The following KPNA3 variants were observed in gnomAD, a reference collection of about 807,000 sequenced individuals.
KPNA3 encodes the protein karyopherin subunit alpha 3, also known as importin subunit alpha-4.
Under a neutral mutation model 73.8 loss-of-function variants are expected in KPNA3, and 13 were observed. The ratio of observed to expected loss-of-function variants is 0.18; its 90% CI spans 0.11 to 0.28. The LOEUF is 0.28. KPNA3 is among the 10% of genes least tolerant of loss of function. The probability of loss-of-function intolerance (pLI) is 1.00; values close to 1 mark genes in which losing one functional copy is unlikely to be tolerated. For synonymous variants in KPNA3, 186 were observed against 206.9 expected (o/e 0.90, Z 0.87); for missense variants, 360 against 618.1 (o/e 0.58, Z 4.43).
At chr13:49,757,552 G>C (rs1371611145) in intron 1 of KPNA3, among the ~76,000 whole-genome samples, 1 of 152,166 alleles carries the variant, frequency 6.6e-6, no homozygotes, top group Admixed American at 6.5e-5. Flanking sequence ...ATGCTGGTGA[G>C]TATGGAGAGT....
At chr13:49,741,523 G>A (rs1207134757) in intron 2 of KPNA3, among the ~76,000 whole-genome samples, 2 of 149,656 alleles carry the variant, frequency 1.3e-5, no homozygotes, top group Non-Finnish European at 3.0e-5. Flanking sequence ...GCGTGATCTC[G>A]GCTCACTGCA....
rs55725741 is a variant in KPNA3 at position 49,730,519 on chromosome 13, CAAAAAAAAAAAAAAAAAAAAAA to C, written c.383+1830_383+1851del. Reference sequence around the variant, plus strand: ...TGGGCAACAGAGCGAGACTCTGTCTCAAAAAAAAAAAAAAAAAAAAAAAAAAAAAAAAAAAAGAACAACTGGA... The same window carrying C: ...TGGGCAACAGAGCGAGACTCTGTCTCAAAAAAAAAAAAAAGAACAACTGGA... On this transcript the variant is annotated intron_variant, in intron 6 of 16. Transcript: ENST00000261667. 4.0e-4 allele frequency among the ~76,000 whole-genome samples: 11 copies of C among 27,294 alleles called. No homozygotes were observed. In the East Asian group the frequency reaches 0.01, roughly 25 times the overall value. The allele number at this position is 27,294 out of a possible 152,430, so 17.9% of individuals were successfully genotyped here. A position where few individuals can be genotyped will look rare whatever the true frequency, so the allele number is the denominator to read the frequency against.
intron 1 of KPNA3, among the ~76,000 whole-genome samples, chr13:49,786,622 T>C (rs748100337): frequency 6.6e-6 from 1 of 152,104 alleles, no homozygotes; most frequent in Admixed American, 6.6e-5. Flanking sequence ...ACTCAACAGA[T>C]AGTCAAAAGA....
At chr13:49,734,950 T>C (rs905554484) in intron 2 of KPNA3, among the ~76,000 whole-genome samples, 30 of 76,174 alleles carry the variant, frequency 3.9e-4, no homozygotes, top group African/African-American at 9.7e-4. Flanking sequence ...GAGAGAGAGA[T>C]AGATAGAGAG....
At chr13:49,754,746 A>C (rs1954696232) in intron 1 of KPNA3, among the ~76,000 whole-genome samples, 3 of 152,154 alleles carry the variant, frequency 2.0e-5, no homozygotes, top group Admixed American at 6.5e-5. Flanking sequence ...GGAAAACTAC[A>C]AACAACTCTA....
At chr13:49,705,876 T>C in intron 14 of KPNA3, 93 bp from the exon 15 acceptor site, 1 of 1,197,420 alleles carries the variant, frequency 8.4e-7, no homozygotes, top group East Asian at 2.6e-5. Context: ...GGCAGGAGGC[T>C]ATCTTGAGCC....
At position 49,788,787 on chromosome 13, in the gene KPNA3, T is replaced by C. The variant is rs1955007301; in HGVS notation, c.69+3651A>G. On this transcript the variant is annotated intron_variant, in intron 1 of 16. Coordinates refer to ENST00000261667, the MANE Select transcript of KPNA3 (RefSeq NM_002267.4). ...ACAAATAAAAGGAAATGTTTCCCTT[T>C]CAATATGTACTTCCTAGTTTTTGCT... 2.0e-5 allele frequency among the ~76,000 whole-genome samples: 3 copies of C among 150,450 alleles called. No homozygotes were observed. In the South Asian group the frequency reaches 6.3e-4, roughly 32 times the overall value.
intron 15 of KPNA3, among the ~76,000 whole-genome samples, chr13:49,704,232 A>G (rs1436665245): frequency 1.3e-5 from 2 of 151,836 alleles, no homozygotes; most frequent in Non-Finnish European, 2.9e-5. Context: ...GACCAGCCTG[A>G]CCAACACGGA....
At chr13:49,752,371 A>T (rs1954670165) in intron 1 of KPNA3, among the ~76,000 whole-genome samples, 1 of 152,202 alleles carries the variant, frequency 6.6e-6, no homozygotes. Context: ...TCTTGCTCTT[A>T]AAAGTTCAGG....
chr13:49,762,941 G>T (rs1594455562), intron 1 of KPNA3, among the ~76,000 whole-genome samples: 1 of 111,292 alleles, frequency 9.0e-6, no homozygotes, highest in Non-Finnish European at 1.9e-5. Flanking sequence ...AAAAGAAGAG[G>T]AGAGGTCGGT....
intron 1 of KPNA3, among the ~76,000 whole-genome samples, chr13:49,781,565 T>C (rs1000158136): frequency 6.6e-6 from 1 of 152,226 alleles, no homozygotes; most frequent in East Asian, 1.9e-4. Flanking sequence ...TCACACTCAG[T>C]AAAGAATTCG....
intron 1 of KPNA3, among the ~76,000 whole-genome samples, chr13:49,776,544 T>C (rs903364191): frequency 1.3e-5 from 2 of 152,210 alleles, no homozygotes; most frequent in African/African-American, 2.4e-5. Context: ...TAAGATTTTA[T>C]TTAGAATCAC....
chr13:49,769,539 T>C (rs754001566), intron 1 of KPNA3, among the ~76,000 whole-genome samples: 6 of 152,246 alleles, frequency 3.9e-5, no homozygotes, highest in Non-Finnish European at 8.8e-5. Flanking sequence ...ATATAATATG[T>C]GGACTTTCAT....
chr13:49,761,396 G>A (rs1954758980), intron 1 of KPNA3, among the ~76,000 whole-genome samples: 1 of 150,194 alleles, frequency 6.7e-6, no homozygotes, highest in East Asian at 1.9e-4. Flanking sequence ...ACACCGCCAC[G>A]CCTGACTGGT....
intron 6 of KPNA3, among the ~76,000 whole-genome samples, chr13:49,731,999 T>C (rs1594440881): frequency 6.6e-6 from 1 of 152,340 alleles, no homozygotes; most frequent in East Asian, 1.9e-4. Flanking sequence ...AAACCATCCA[T>C]GTTGACTTAG....
chr13:49,766,127 A>G (rs1402313016), intron 1 of KPNA3, among the ~76,000 whole-genome samples: 1 of 152,224 alleles, frequency 6.6e-6, no homozygotes, highest in Non-Finnish European at 1.5e-5. Flanking sequence ...ATTAAATAAA[A>G]TAAACATTAA....
At chr13:49,746,843 T>C in intron 2 of KPNA3, 106 bp downstream of exon 2, 2 of 762,624 alleles carry the variant, frequency 2.6e-6, no homozygotes, top group Non-Finnish European at 4.5e-6. Flanking sequence ...TGTGTGGTTT[T>C]AGGGATGACC....
At chr13:49,783,093 C>T (rs957614037) in intron 1 of KPNA3, among the ~76,000 whole-genome samples, 2 of 151,986 alleles carry the variant, frequency 1.3e-5, no homozygotes, top group Non-Finnish European at 2.9e-5. Flanking sequence ...AATTTAACAA[C>T]CTGAAGGCAT....
chr13:49,769,957 C>T (rs2137592483), intron 1 of KPNA3, among the ~76,000 whole-genome samples: 1 of 152,184 alleles, frequency 6.6e-6, no homozygotes, highest in East Asian at 1.9e-4. Context: ...ATATCTCTTG[C>T]TTTTGATTTG....
Sources: allele counts gnomAD v4.1 joint callset (sites outside exome capture counted in the v4.1 genomes callset), GRCh38; gene constraint gnomAD v4.1.1; transcripts MANE v1.5; gene names NCBI Gene and HGNC (gene_info 2026-07-23, HGNC 2026-07-21).